The following ZFHX3 variants were observed in gnomAD, a reference collection of about 807,000 sequenced individuals.
The protein encoded by ZFHX3 is zinc finger homeobox protein 3.
In ZFHX3, 42 loss-of-function variants were observed where a neutral mutation model predicts 279.1. That is an observed-to-expected ratio of 0.15 (90% CI 0.12 to 0.19). The LOEUF (loss-of-function observed/expected upper bound fraction) is 0.19. Among genes scored for constraint, ZFHX3 ranks in the 10% least tolerant of loss-of-function variants. The probability of loss-of-function intolerance (pLI) is 1.00; values close to 1 mark genes in which losing one functional copy is unlikely to be tolerated. For synonymous variants in ZFHX3, 2,293 were observed against 1,957.8 expected (o/e 1.17, Z -4.52); for missense variants, 4,981 against 4,754.0 (o/e 1.05, Z -1.40).
At chr16:73,041,602 G>A (rs1453074488) in intron 1 of ZFHX3, among the ~76,000 whole-genome samples, 1 of 152,086 alleles carries the variant, frequency 6.6e-6, no homozygotes, top group East Asian at 1.9e-4. Context: ...TAACATAAGG[G>A]GACACTATTC....
At chr16:73,132,509 C>T (rs1362283126) in intron 6 of ZFHX3, among the ~76,000 whole-genome samples, 2 of 152,152 alleles carry the variant, frequency 1.3e-5, no homozygotes, top group African/African-American at 4.8e-5. Flanking sequence ...TCTGTAGTTC[C>T]ACTCCTAGCA....
intron 4 of ZFHX3, among the ~76,000 whole-genome samples, chr16:72,835,573 C>T (rs1313566442): frequency 6.6e-6 from 1 of 152,068 alleles, no homozygotes; most frequent in Non-Finnish European, 1.5e-5. Flanking sequence ...TTCCTTTCTC[C>T]ATTTTCAACC....
At chr16:73,660,455 T>C (rs567301551) in intron 2 of ZFHX3, among the ~76,000 whole-genome samples, 1 of 152,208 alleles carries the variant, frequency 6.6e-6, no homozygotes, top group Non-Finnish European at 1.5e-5. Context: ...GTTTTTAAAA[T>C]TATTTCTAAT....
At chr16:72,976,911 G>T (rs1459590327) in intron 1 of ZFHX3, among the ~76,000 whole-genome samples, 1 of 152,208 alleles carries the variant, frequency 6.6e-6, no homozygotes, top group Non-Finnish European at 1.5e-5. Context: ...AACCCCCACG[G>T]GGGTCTCGCC....
intron 5 of ZFHX3, among the ~76,000 whole-genome samples, chr16:73,150,110 C>G (rs1355684179): frequency 6.6e-6 from 1 of 152,134 alleles, no homozygotes; most frequent in African/African-American, 2.4e-5. Context: ...CCACTGTCAA[C>G]AGAAGAGTAG....
intron 5 of ZFHX3, among the ~76,000 whole-genome samples, chr16:73,240,443 TC>T (rs2013087488): frequency 6.6e-6 from 1 of 152,142 alleles, no homozygotes; most frequent in Non-Finnish European, 1.5e-5. Flanking sequence ...GATCTCGAAC[TC>T]CTGACCTCAA....
At chr16:73,319,706 G>A (rs1222148064) in intron 3 of ZFHX3, among the ~76,000 whole-genome samples, 1 of 152,180 alleles carries the variant, frequency 6.6e-6, no homozygotes, top group Non-Finnish European at 1.5e-5. Flanking sequence ...TGCCACACTG[G>A]CCTTTCTGTT....
chr16:73,364,453 C>T (rs905242965), intron 3 of ZFHX3, among the ~76,000 whole-genome samples: 3 of 151,786 alleles, frequency 2.0e-5, no homozygotes, highest in Admixed American at 2.0e-4. Context: ...GAAGTATTTC[C>T]TGACCTCGTA....
intron 1 of ZFHX3, among the ~76,000 whole-genome samples, chr16:73,774,605 G>A (rs1485649694): frequency 6.6e-6 from 1 of 152,142 alleles, no homozygotes; most frequent in African/African-American, 2.4e-5. Flanking sequence ...CCCAAAGATG[G>A]TGCCATTTGT....
chr16:73,045,640 CATTATTATTATTATTATTATTATTATT>C (rs10602067), intron 1 of ZFHX3, among the ~76,000 whole-genome samples: 1 of 143,000 alleles, frequency 7.0e-6, no homozygotes, highest in African/African-American at 2.5e-5. Flanking sequence ...CATGGATTTA[CATTATTATTATTATTATTATTATTATT>C]ATTATTATTA....
chr16:73,206,344 G>C (rs916707860), intron 5 of ZFHX3, among the ~76,000 whole-genome samples: 1 of 152,186 alleles, frequency 6.6e-6, no homozygotes, highest in African/African-American at 2.4e-5. Flanking sequence ...AACCACTATT[G>C]ATACTGGGGA....
chr16:72,937,324 T>C (rs113570447), intron 3 of ZFHX3, among the ~76,000 whole-genome samples: 381 of 152,168 alleles, frequency 2.5e-3, no homozygotes, highest in African/African-American at 8.4e-3. Context: ...GGGGGCATAA[T>C]AACACTCATC....
At chr16:73,422,732 G>T (rs1181202276) in intron 3 of ZFHX3, among the ~76,000 whole-genome samples, 1 of 151,996 alleles carries the variant, frequency 6.6e-6, no homozygotes, top group Admixed American at 6.6e-5. Context: ...CTTAATAATT[G>T]CAGTCATCCT....
At chr16:73,743,458 T>C (rs905192434) in intron 1 of ZFHX3, among the ~76,000 whole-genome samples, 4 of 152,236 alleles carry the variant, frequency 2.6e-5, no homozygotes, top group Non-Finnish European at 2.9e-5. Flanking sequence ...TTTCATGTAA[T>C]AGCTATTTCC....
intron 2 of ZFHX3, among the ~76,000 whole-genome samples, chr16:73,501,529 T>A (rs867018973): frequency 2.4e-4 from 37 of 152,174 alleles, no homozygotes; most frequent in Admixed American, 1.4e-3. Context: ...GATTTATGGG[T>A]CACCGTCAAT....
chr16:73,414,879 C>T (rs1322232452), intron 3 of ZFHX3, among the ~76,000 whole-genome samples: 1 of 152,198 alleles, frequency 6.6e-6, no homozygotes, highest in Non-Finnish European at 1.5e-5. Flanking sequence ...CAAACCAGTA[C>T]ATTCCTCTAT....
At chr16:73,881,987 T>C (rs995172374) in intron 1 of ZFHX3, among the ~76,000 whole-genome samples, 1 of 152,118 alleles carries the variant, frequency 6.6e-6, no homozygotes, top group East Asian at 1.9e-4. Flanking sequence ...GTCTCTTAAC[T>C]TTTATCGTCA....
In ZFHX3 at chr16:73,057,517, A is replaced by C. The variant is rs111779422; in HGVS notation, c.-24+1013T>G. 2.0e-5 allele frequency among the ~76,000 whole-genome samples: 3 copies of C among 149,756 alleles called. No homozygotes were observed. The South Asian group carries it at 6.5e-4, about 32-fold the overall frequency. On this transcript the variant is annotated intron_variant, in intron 1 of 8. Transcript: ENST00000397992. ...GAGAGTGGGGAACCCAACGTAAACA[A>C]TCCCAGATTCGCGAGAGCAAAAAAA...
At chr16:73,663,366 C>T (rs1286924200) in intron 2 of ZFHX3, among the ~76,000 whole-genome samples, 2 of 152,196 alleles carry the variant, frequency 1.3e-5, no homozygotes, top group African/African-American at 4.8e-5. Flanking sequence ...ATGCAACAGG[C>T]ATTCATCCAA....
Sources: allele counts gnomAD v4.1 joint callset (sites outside exome capture counted in the v4.1 genomes callset), GRCh38; gene constraint gnomAD v4.1.1; transcripts MANE v1.5; gene names NCBI Gene and HGNC (gene_info 2026-07-23, HGNC 2026-07-21).